Variants in LHFPL6 observed in about 807,000 individuals in gnomAD.
The protein encoded by LHFPL6 is LHFPL tetraspan subfamily member 6 protein.
In LHFPL6, 9 loss-of-function variants were observed where a neutral mutation model predicts 20.6. The ratio of observed to expected loss-of-function variants is 0.44; its 90% CI spans 0.26 to 0.76. The LOEUF is 0.76. Among genes scored for constraint, LHFPL6 ranks in the 30% least tolerant of loss-of-function variants. The pLI is 0.20. For synonymous variants in LHFPL6, 105 were observed against 98.7 expected (o/e 1.06, Z -0.38); for missense variants, 218 against 253.5 (o/e 0.86, Z 0.95).
chr13:39,394,068 A>T (rs1166258808), intron 2 of LHFPL6, among the ~76,000 whole-genome samples: 1 of 152,082 alleles, frequency 6.6e-6, no homozygotes, highest in African/African-American at 2.4e-5. Context: ...CGCCTCCCAT[A>T]TAGCTGGGAC....
intron 2 of LHFPL6, among the ~76,000 whole-genome samples, chr13:39,480,441 T>C (rs962039960): frequency 3.3e-5 from 5 of 152,240 alleles, no homozygotes; most frequent in Admixed American, 6.5e-5. Context: ...TTGTTTACTG[T>C]TGTCCCAAGA....
chr13:39,438,741 T>A (rs895498109), intron 2 of LHFPL6, among the ~76,000 whole-genome samples: 5 of 152,272 alleles, frequency 3.3e-5, no homozygotes. Flanking sequence ...AGGTAAAGCT[T>A]AGGCCACAGT....
At chr13:39,598,246 A>G (rs117453801) in intron 2 of LHFPL6, among the ~76,000 whole-genome samples, 1,566 of 151,774 alleles carry the variant, frequency 0.01, 60 homozygotes, top group East Asian at 0.08. Flanking sequence ...AACCCAAACA[A>G]TTATGAAATG....
At chr13:39,457,200 A>C (rs1872592334) in intron 2 of LHFPL6, among the ~76,000 whole-genome samples, 2 of 152,252 alleles carry the variant, frequency 1.3e-5, no homozygotes, top group African/African-American at 4.8e-5. Flanking sequence ...GTTAACAAAA[A>C]TACAAGCAAC....
At chr13:39,475,315 A>T (rs1430780076) in intron 2 of LHFPL6, among the ~76,000 whole-genome samples, 1 of 151,524 alleles carries the variant, frequency 6.6e-6, no homozygotes, top group Non-Finnish European at 1.5e-5. Flanking sequence ...GATCCTAATC[A>T]GTTTAACTAT....
intron 2 of LHFPL6, among the ~76,000 whole-genome samples, chr13:39,509,483 G>A (rs1177097448): frequency 6.6e-6 from 1 of 151,852 alleles, no homozygotes; most frequent in Non-Finnish European, 1.5e-5. Flanking sequence ...GCTGAAGTTG[G>A]TTTAAGGTAT....
intron 2 of LHFPL6, among the ~76,000 whole-genome samples, chr13:39,577,593 C>T (rs1872155071): frequency 6.6e-6 from 1 of 152,076 alleles, no homozygotes; most frequent in Non-Finnish European, 1.5e-5. Context: ...AAAAACACAA[C>T]ATCTGCATTA....
chr13:39,543,860 C>T (rs1014718394), intron 2 of LHFPL6, among the ~76,000 whole-genome samples: 1 of 152,298 alleles, frequency 6.6e-6, no homozygotes, highest in South Asian at 2.1e-4. Flanking sequence ...GTAAAGCAGA[C>T]AAAGCAGTAT....
At chr13:39,475,177 G>A (rs1373302394) in intron 2 of LHFPL6, among the ~76,000 whole-genome samples, 1 of 152,170 alleles carries the variant, frequency 6.6e-6, no homozygotes, top group East Asian at 1.9e-4. Context: ...AGAACCATCT[G>A]TGAGACCAGA....
intron 2 of LHFPL6, among the ~76,000 whole-genome samples, chr13:39,595,972 C>G (rs955003664): frequency 4.0e-4 from 61 of 152,230 alleles, no homozygotes; most frequent in African/African-American, 1.4e-3. Context: ...TACGGTCTTC[C>G]TATCTTTCAA....
chr13:39,461,637 T>G (rs555767992), intron 2 of LHFPL6, among the ~76,000 whole-genome samples: 1 of 152,188 alleles, frequency 6.6e-6, no homozygotes, highest in East Asian at 1.9e-4. Context: ...TATTCAGAGA[T>G]GCTAAGGCTA....
At position 39,600,951 on chromosome 13, in the gene LHFPL6, G is replaced by T; in HGVS notation, c.266C>A (p.Thr89Asn). 1.2e-6 allele frequency: 2 copies of T among 1,609,494 alleles called. No homozygotes were observed. The highest frequency in any genetic ancestry group is 1.7e-6 in the Non-Finnish European group (2 of 1,176,838). The change falls in exon 2 of 4, where the codon ACC (threonine) becomes AAC (asparagine). Residue 89 changes from threonine (T) to asparagine (N), a missense_variant. Coordinates refer to ENST00000379589, the MANE Select transcript of LHFPL6 (RefSeq NM_005780.3). Reference protein sequence around the residue: ...SAEWRICTIVTGLGCGLLLLV... With the variant: ...SAEWRICTIVNGLGCGLLLLV... The stretch of plus-strand genomic sequence containing the variant: ...GAGGAGGAGGCCACAACCCAGGCCG[G>T]TCACTATGGTGCAGATCCTCCATTC...
At chr13:39,572,368 A>G (rs775859443) in intron 2 of LHFPL6, among the ~76,000 whole-genome samples, 1 of 151,696 alleles carries the variant, frequency 6.6e-6, no homozygotes, top group African/African-American at 2.4e-5. Context: ...ACCTCTTTCC[A>G]GAAACATATA....
At chr13:39,544,200 T>C (rs1870901214) in intron 2 of LHFPL6, among the ~76,000 whole-genome samples, 1 of 152,186 alleles carries the variant, frequency 6.6e-6, no homozygotes, top group Non-Finnish European at 1.5e-5. Context: ...TGATAACAAG[T>C]ACAATTTGAA....
intron 2 of LHFPL6, among the ~76,000 whole-genome samples, chr13:39,533,267 A>G (rs1324999505): frequency 6.6e-6 from 1 of 152,224 alleles, no homozygotes; most frequent in African/African-American, 2.4e-5. Flanking sequence ...AATACCCCCA[A>G]TATACAGGGG....
At chr13:39,583,294 C>A (rs1409161582) in intron 2 of LHFPL6, among the ~76,000 whole-genome samples, 1 of 151,624 alleles carries the variant, frequency 6.6e-6, no homozygotes, top group Non-Finnish European at 1.5e-5. Context: ...CCCCTCAGCC[C>A]CCTGAGTAGC....
intron 2 of LHFPL6, among the ~76,000 whole-genome samples, chr13:39,381,084 C>T (rs1489315170): frequency 6.6e-6 from 1 of 152,210 alleles, no homozygotes; most frequent in Non-Finnish European, 1.5e-5. Context: ...CTCCTCCACT[C>T]AGTCCGTGGA....
intron 2 of LHFPL6, among the ~76,000 whole-genome samples, chr13:39,477,698 C>G (rs1322897180): frequency 6.6e-6 from 1 of 152,182 alleles, no homozygotes; most frequent in Non-Finnish European, 1.5e-5. Context: ...AACATGATGT[C>G]TTTTGTTTGC....
At chr13:39,545,068 CCT>C (rs1228808425) in intron 2 of LHFPL6, among the ~76,000 whole-genome samples, 3 of 151,498 alleles carry the variant, frequency 2.0e-5, no homozygotes, top group Admixed American at 6.6e-5. Context: ...TGGTGAAACC[CCT>C]GTCTCTACTA....
Sources: allele counts gnomAD v4.1 joint callset (sites outside exome capture counted in the v4.1 genomes callset), GRCh38; gene constraint gnomAD v4.1.1; transcripts MANE v1.5; gene names NCBI Gene and HGNC (gene_info 2026-07-23, HGNC 2026-07-21).